RBM27: variants seen among roughly 807,000 people sequenced by gnomAD.
RBM27 encodes RNA-binding protein 27.
RBM27 carries 22 observed loss-of-function variants against 135.3 expected under a neutral mutation model. The observed-to-expected ratio is 0.16, with a 90% CI of 0.12 to 0.23. The LOEUF (loss-of-function observed/expected upper bound fraction) is 0.23. Ranked by LOEUF, RBM27 falls within the 10% of genes least tolerant of loss-of-function variation. The probability of loss-of-function intolerance (pLI) is 1.00; values close to 1 mark genes in which losing one functional copy is unlikely to be tolerated. For synonymous variants in RBM27, 481 were observed against 442.4 expected (o/e 1.09, Z -1.10); for missense variants, 1,009 against 1,281.0 (o/e 0.79, Z 3.24).
At chr5:146,235,196 C>T (rs369835703) in intron 7 of RBM27, among the ~76,000 whole-genome samples, 20 of 152,040 alleles carry the variant, frequency 1.3e-4, no homozygotes, top group Admixed American at 4.6e-4. Context: ...ATTATAATTA[C>T]GGAAATTGTG....
intron 1 of RBM27, among the ~76,000 whole-genome samples, chr5:146,210,174 C>T (rs1199474745): frequency 3.9e-5 from 6 of 152,146 alleles, no homozygotes; most frequent in Non-Finnish European, 7.3e-5. Flanking sequence ...AAGCAATATG[C>T]TTGGCACTTA....
intron 14 of RBM27, among the ~76,000 whole-genome samples, chr5:146,264,405 AC>A (rs1351402441): frequency 6.6e-6 from 1 of 151,684 alleles, no homozygotes; most frequent in African/African-American, 2.4e-5. Context: ...CTGGTCTGGA[AC>A]TCCGACCTTA....
At position 146,237,364 on chromosome 5, in the gene RBM27, A is replaced by G. The variant is rs770540849; in HGVS notation, c.1211A>G (p.Asn404Ser). Residue 404 changes from asparagine (N) to serine (S), a missense_variant, in exon 8 of 21, where the codon AAT (asparagine) becomes AGT (serine). By Grantham distance (46) the Asn-to-Ser change is conservative. Transcript: ENST00000265271. ...CAGCCTGGGACAAGTGCAGTGCCCA[A>G]TCTTGCATCAGTGGGAACAAGACTA... ...RDQPGTSAVP[N>S]LASVGTRLPP... The G allele has an allele frequency of 3.2e-5, 52 of 1,613,974 alleles. No individual in the cohort carries two copies. The highest frequency in any genetic ancestry group is 1.3e-4 in the South Asian group (12 of 91,080).
intron 6 of RBM27, 83 bp downstream of exon 6, chr5:146,231,000 T>C: frequency 2.2e-6 from 3 of 1,381,480 alleles, no homozygotes; most frequent in East Asian, 2.3e-5. Context: ...CTTTTAGTTA[T>C]AGTCCAGTTT....
intron 3 of RBM27, among the ~76,000 whole-genome samples, chr5:146,226,399 A>G (rs1289446387): frequency 4.0e-5 from 6 of 151,610 alleles, no homozygotes; most frequent in Non-Finnish European, 8.8e-5. Flanking sequence ...TTTTTTTGAG[A>G]TGGAGTTTCA....
rs368231768 is a variant in RBM27 at position 146,204,512 on chromosome 5, G to A, written c.59+688G>A. On this transcript the variant is annotated intron_variant, in intron 1 of 20. Coordinates refer to ENST00000265271, the MANE Select transcript of RBM27 (RefSeq NM_018989.2). ...TATTGAGGGCTTGATAGTGCTAGGG[G>A]AACTGATGACTTTTAGATACATAGA... is the stretch of plus-strand genomic sequence containing the variant. Among the ~76,000 whole-genome samples the A allele has an allele frequency of 1.6e-3, 231 of 140,406 alleles. 1 individual carries two copies. Among genetic ancestry groups the A allele is most frequent in the African/African-American group, 6.2e-3 (226 of 36,360 alleles). 92.1% of individuals were successfully genotyped at this position (140,406 alleles called of 152,430 possible). A position where few individuals can be genotyped will look rare whatever the true frequency, so the allele number is the denominator to read the frequency against.
chr5:146,259,937 C>T (rs1758310548), intron 11 of RBM27, among the ~76,000 whole-genome samples: 1 of 127,312 alleles, frequency 7.9e-6, no homozygotes, highest in Non-Finnish European at 1.6e-5. Flanking sequence ...TGCGCCACTG[C>T]AGTCCGCAGT....
chr5:146,221,244 G>A (rs1477827172), intron 2 of RBM27, among the ~76,000 whole-genome samples: 2 of 151,836 alleles, frequency 1.3e-5, no homozygotes, highest in Non-Finnish European at 2.9e-5. Flanking sequence ...TTTTTAAAAG[G>A]ATAAGAAAAT....
Position 146,223,474 on chromosome 5 carries a change from G to T in RBM27, c.250G>T (p.Val84Leu). The T allele has an allele frequency of 6.2e-7, 1 of 1,610,384 alleles. No homozygotes were observed. Among genetic ancestry groups the T allele is most frequent in the South Asian group, 1.1e-5 (1 of 90,518 alleles). The change falls in exon 3 of 21, where the codon GTA (valine) becomes TTA (leucine). Residue 84 changes from valine (V) to leucine (L), a missense_variant. By Grantham distance (32) the Val-to-Leu change is conservative (BLOSUM62 1). Transcript: ENST00000265271. ...GAACTACCTTCCACTTTTGGAACCAGTAAAGCCTGAGCCAAAACCACTAGT... is the reference window on the plus strand; with the variant it reads ...GAACTACCTTCCACTTTTGGAACCATTAAAGCCTGAGCCAAAACCACTAGT... The part of the protein sequence containing the change: ...TKNYLPLLEP[V>L]KPEPKPLVQE...
At chr5:146,232,715 C>T (rs980948758) in intron 6 of RBM27, among the ~76,000 whole-genome samples, 7 of 151,966 alleles carry the variant, frequency 4.6e-5, no homozygotes, top group Non-Finnish European at 1.0e-4. Context: ...ACTACAAGCG[C>T]GTGCCACCAC....
chr5:146,204,674 G>A (rs1384653258), intron 1 of RBM27, among the ~76,000 whole-genome samples: 2 of 152,166 alleles, frequency 1.3e-5, no homozygotes, highest in East Asian at 1.9e-4. Flanking sequence ...AGGAATAAAA[G>A]GAGCGGTAGA....
chr5:146,269,664 C>A, intron 17 of RBM27, 80 bp downstream of exon 17: 1 of 967,388 alleles, frequency 1.0e-6, no homozygotes, highest in Non-Finnish European at 1.4e-6. Context: ...TACAATGGGA[C>A]CCTTAGGTAG....
intron 19 of RBM27, among the ~76,000 whole-genome samples, chr5:146,283,864 G>GT (rs1759469769): frequency 6.6e-6 from 1 of 152,268 alleles, no homozygotes; most frequent in South Asian, 2.1e-4. Flanking sequence ...CTTCTATTAT[G>GT]TTTTTTAGAA....
chr5:146,206,645 A>G (rs538000446), intron 1 of RBM27, among the ~76,000 whole-genome samples: 64 of 151,890 alleles, frequency 4.2e-4, no homozygotes, highest in African/African-American at 1.5e-3. Flanking sequence ...TGGTGGTGCA[A>G]TCTCAGGTCA....
intron 8 of RBM27, among the ~76,000 whole-genome samples, chr5:146,246,939 C>T (rs1757651236): frequency 6.7e-6 from 1 of 150,094 alleles, no homozygotes; most frequent in Admixed American, 6.7e-5. Context: ...TCTTGGCTCA[C>T]TGCAGTCTTG....
At position 146,203,661 on chromosome 5, in the gene RBM27, G is replaced by T. The variant is rs916026529; in HGVS notation, c.-105G>T. On this transcript the variant is annotated 5_prime_UTR_variant, in exon 1 of 21. Transcript: ENST00000265271. ...GTTGAAGTCTCCTAAGATGCCCGGTGGGCTGGGGCACCGGGAGCTGTGAAG... is the reference window on the plus strand; with the variant it reads ...GTTGAAGTCTCCTAAGATGCCCGGTTGGCTGGGGCACCGGGAGCTGTGAAG... 5 of 1,063,786 alleles carry T rather than the reference G, an allele frequency of 4.7e-6. No homozygotes were observed. The African/African-American group carries it at 8.0e-5, about 17-fold the overall frequency. 65.9% of individuals were successfully genotyped at this position (1,063,786 alleles called of 1,614,324 possible). A position where few individuals can be genotyped will look rare whatever the true frequency, so the allele number is the denominator to read the frequency against.
chr5:146,205,658 G>A (rs1755608780), intron 1 of RBM27, among the ~76,000 whole-genome samples: 1 of 152,120 alleles, frequency 6.6e-6, no homozygotes, highest in Non-Finnish European at 1.5e-5. Context: ...TGGGAAATAA[G>A]ATGGATGTAA....
chr5:146,228,207 T>C (rs992336917), intron 3 of RBM27, among the ~76,000 whole-genome samples: 1 of 152,034 alleles, frequency 6.6e-6, no homozygotes, highest in Non-Finnish European at 1.5e-5. Flanking sequence ...GTGTATTTAC[T>C]CGTGCCCTCT....
chr5:146,271,723 C>G (rs770463915), intron 19 of RBM27, 49 bp downstream of exon 19: 1 of 1,503,744 alleles, frequency 6.7e-7, no homozygotes, highest in South Asian at 1.2e-5. Flanking sequence ...CTGTGCTCAT[C>G]ATTTTCCTTG....
Sources: allele counts gnomAD v4.1 joint callset (sites outside exome capture counted in the v4.1 genomes callset), GRCh38; gene constraint gnomAD v4.1.1; transcripts MANE v1.5; gene names NCBI Gene and HGNC (gene_info 2026-07-23, HGNC 2026-07-21).